MAPK6: variants seen among roughly 807,000 people sequenced by gnomAD.
MAPK6 encodes mitogen-activated protein kinase 6, also known as ERK-3.
A neutral mutation model predicts 59.3 loss-of-function variants in MAPK6; 19 were observed. That is an observed-to-expected ratio of 0.32 (90% confidence interval 0.22 to 0.47). The LOEUF (loss-of-function observed/expected upper bound fraction) is 0.47. Among genes scored for constraint, MAPK6 ranks in the 20% least tolerant of loss-of-function variants. MAPK6 has a pLI of 1.00. For synonymous variants in MAPK6, 316 were observed against 290.3 expected, an observed-to-expected ratio of 1.09 and a Z score of -0.90; for missense variants, 724 against 847.9, an observed-to-expected ratio of 0.85 and a Z score of 1.81.
chr15:52,022,066 G>C (rs1595976646), intron 1 of MAPK6, among the ~76,000 whole-genome samples: 1 of 152,244 alleles, frequency 6.6e-6, no homozygotes, highest in East Asian at 1.9e-4. Flanking sequence ...GCTCACACCT[G>C]TAATCCCGGC....
chr15:52,021,252 CAG>C (rs1358984996), intron 1 of MAPK6, among the ~76,000 whole-genome samples: 9 of 151,986 alleles, frequency 5.9e-5, no homozygotes, highest in Non-Finnish European at 1.0e-4. Flanking sequence ...TTTGCTGACT[CAG>C]GGTACTTTGC....
chr15:52,047,210 T>C (rs893949016), intron 2 of MAPK6, among the ~76,000 whole-genome samples, 195 bp downstream of exon 2: 3 of 152,158 alleles, frequency 2.0e-5, no homozygotes, highest in African/African-American at 7.2e-5. Flanking sequence ...TTTCTAAAAA[T>C]ACATGGTTAT....
chr15:52,040,597 T>C (rs2031385471), intron 1 of MAPK6, among the ~76,000 whole-genome samples: 1 of 152,176 alleles, frequency 6.6e-6, no homozygotes, highest in African/African-American at 2.4e-5. Context: ...AAAAAGAAAA[T>C]TCTGGCGAGA....
At chr15:51,984,362 AG>A (rs1431618295) in intron 2 of MAPK6, among the ~76,000 whole-genome samples, 1 of 151,526 alleles carries the variant, frequency 6.6e-6, no homozygotes, top group Non-Finnish European at 1.5e-5. Flanking sequence ...GCTCACTGCA[AG>A]CTCCGCCTTC....
chr15:51,984,674 C>A (rs558649888), intron 2 of MAPK6, among the ~76,000 whole-genome samples: 1 of 151,308 alleles, frequency 6.6e-6, no homozygotes, highest in Non-Finnish European at 1.5e-5. Context: ...AAAAGCTTAA[C>A]AACCAGTTCT....
Position 52,009,795 on chromosome 15 carries a change from CAG to C in MAPK6, c.-632+5396_-632+5397del, listed in dbSNP as rs538640063. On this transcript the variant is annotated intron_variant, in intron 3 of 7. Coordinates refer to the MAPK6 transcript ENST00000691380. ...CAATTTTTTTTTTCTTTTTTTGAGA[CAG>C]AGTCTTGCTCTGTCGCCCAGGCTAG... Among the ~76,000 whole-genome samples the C allele has an allele frequency of 8.6e-3, 1,302 of 151,818 alleles. 14 individuals are homozygous for C. Among genetic ancestry groups the C allele is most frequent in the Non-Finnish European group, 0.015 (986 of 67,976 alleles).
intron 2 of MAPK6, among the ~76,000 whole-genome samples, chr15:52,001,509 C>CTTTTTTT (rs71130114): frequency 5.5e-5 from 7 of 128,072 alleles, no homozygotes; most frequent in African/African-American, 1.2e-4. Flanking sequence ...CTTTTCCTTT[C>CTTTTTTT]TTTTTTTTTT....
chr15:51,989,766 A>C (rs1369607003), intron 2 of MAPK6, among the ~76,000 whole-genome samples: 4 of 151,444 alleles, frequency 2.6e-5, no homozygotes, highest in Middle Eastern at 6.8e-3. Context: ...TACCTGGCTA[A>C]TTTTTATTTT....
chr15:52,008,261 A>C (rs758594860), intron 3 of MAPK6, among the ~76,000 whole-genome samples: 7 of 152,288 alleles, frequency 4.6e-5, no homozygotes, highest in Middle Eastern at 3.4e-3. Context: ...CAGTCAGCTA[A>C]CACAGGGAAG....
At chr15:52,026,572 G>A (rs1218660622) in intron 1 of MAPK6, among the ~76,000 whole-genome samples, 4 of 152,014 alleles carry the variant, frequency 2.6e-5, no homozygotes, top group Non-Finnish European at 4.4e-5. Flanking sequence ...GATTACAGGC[G>A]TGAGCCACCG....
chr15:52,046,718 C>T lies in MAPK6; in HGVS notation c.258C>T (p.Pro86=). The T allele has an allele frequency of 6.2e-7, 1 of 1,614,166 alleles. No homozygotes were observed. Among genetic ancestry groups the T allele is most frequent in the Non-Finnish European group, 8.5e-7 (1 of 1,180,022 alleles). The change falls in exon 2 of 6, where the codon CCC becomes CCT. Residue 86 remains proline, a synonymous_variant. Coordinates refer to ENST00000261845, the MANE Select transcript of MAPK6 (RefSeq NM_002748.4). The part of the protein sequence containing the change: ...NIVKVFEILG[P]SGSQLTDDVG... ...TGAAAGTGTTTGAGATTCTTGGTCC[C>T]AGTGGAAGCCAATTAACAGACGATG...
chr15:52,034,264 C>T (rs1409883410), intron 1 of MAPK6, among the ~76,000 whole-genome samples: 4 of 151,992 alleles, frequency 2.6e-5, no homozygotes, highest in South Asian at 2.1e-4. Flanking sequence ...GGATTATAGG[C>T]GTGAGCCACC....
At chr15:52,007,251 T>C (rs2029917424) in intron 3 of MAPK6, among the ~76,000 whole-genome samples, 2 of 152,128 alleles carry the variant, frequency 1.3e-5, no homozygotes, top group African/African-American at 2.4e-5. Flanking sequence ...ACTTCTCCTG[T>C]CCCAGCTCTG....
intron 1 of MAPK6, among the ~76,000 whole-genome samples, chr15:52,040,024 A>G (rs1470698367): frequency 6.6e-6 from 1 of 152,152 alleles, no homozygotes; most frequent in African/African-American, 2.4e-5. Context: ...AAATCCTGAA[A>G]GGGCCCCTGA....
intron 1 of MAPK6, among the ~76,000 whole-genome samples, chr15:51,973,395 G>T (rs371377422): frequency 1.3e-5 from 2 of 151,732 alleles, no homozygotes; most frequent in African/African-American, 4.8e-5. Flanking sequence ...AGGCTGGAGC[G>T]CAGTGGCGCC....
chr15:52,063,922 C>T lies in MAPK6; in HGVS notation c.1088C>T (p.Ser363Leu). Residue 363 changes from serine to leucine, a missense_variant, in exon 6 of 6, where the codon TCA becomes TTA. Ser to Leu is a moderately radical substitution (Grantham distance 145, BLOSUM62 -2). This residue lies in a region of MAPK6 where 502 missense variants were observed against 507.6 expected (regional missense o/e 0.99). Coordinates refer to ENST00000261845, the MANE Select transcript of MAPK6 (RefSeq NM_002748.4). ...TTCAGGTATCATGATTGTCAGTTTTCAGAGCATGATTGGCCTGTACATAAC... is the reference window on the plus strand; with the variant it reads ...TTCAGGTATCATGATTGTCAGTTTTTAGAGCATGATTGGCCTGTACATAAC... Reference protein sequence around the residue: ...NWERYHDCQFSEHDWPVHNNF... With the variant: ...NWERYHDCQFLEHDWPVHNNF... 2 of 1,543,018 alleles carry T rather than the reference C, an allele frequency of 1.3e-6. No individual in the cohort carries two copies. The highest frequency in any genetic ancestry group is 1.7e-6 in the Non-Finnish European group (2 of 1,145,164).
chr15:51,988,044 G>A (rs570638075), intron 2 of MAPK6, among the ~76,000 whole-genome samples: 16 of 152,078 alleles, frequency 1.1e-4, no homozygotes, highest in Non-Finnish European at 2.1e-4. Flanking sequence ...AGGATTACAG[G>A]CGTGTGGCTC....
At chr15:52,057,462 C>T (rs1396310118) in intron 3 of MAPK6, among the ~76,000 whole-genome samples, 2 of 152,134 alleles carry the variant, frequency 1.3e-5, no homozygotes, top group Non-Finnish European at 2.9e-5. Flanking sequence ...GGCTTCTCTC[C>T]ATCTTCCTAG....
intron 1 of MAPK6, among the ~76,000 whole-genome samples, chr15:52,025,180 G>A (rs757350753): frequency 6.6e-6 from 1 of 152,062 alleles, no homozygotes; most frequent in Non-Finnish European, 1.5e-5. Flanking sequence ...GGTTGAGGCT[G>A]CAGTGAGCCG....
Sources: gnomAD v4.1 joint callset for allele counts (sites outside exome capture counted in the v4.1 genomes callset) on GRCh38, gnomAD v4.1.1 for gene constraint, gnomAD v4.1.1 regional missense constraint, MANE v1.5 for transcripts, NCBI Gene and HGNC (gene_info 2026-07-23, HGNC 2026-07-21) for gene names.